TNFRSF10B: variants seen among roughly 807,000 people sequenced by gnomAD.
TNFRSF10B encodes the protein tumor necrosis factor receptor superfamily member 10B.
In TNFRSF10B, 35 loss-of-function variants were observed where a neutral mutation model predicts 41.4. The observed-to-expected ratio is 0.85, with a 90% confidence interval of 0.65 to 1.12. The LOEUF (loss-of-function observed/expected upper bound fraction) is 1.12, where lower values mean the gene tolerates loss of function less well. Among genes scored for constraint, TNFRSF10B ranks in the 50% most tolerant of loss-of-function variants. TNFRSF10B has a pLI of 0.00. For synonymous variants in TNFRSF10B, 230 were observed against 215.5 expected, an observed-to-expected ratio of 1.07 and a Z score of -0.59; for missense variants, 584 against 552.7, an observed-to-expected ratio of 1.06 and a Z score of -0.57.
rs187284298 is a variant in TNFRSF10B, at chr8:23,028,253, C to A, written c.748+78G>T. 316 of 1,598,468 alleles carry A rather than the reference C, an allele frequency of 2.0e-4. 3 individuals carry two copies. The African/African-American group carries it at 3.5e-3, about 18-fold the overall frequency. On this transcript the variant is annotated intron_variant, in intron 5 of 8. Transcript: ENST00000276431. ...CACTTAGACTTGGGGCAGGGGCAGG[C>A]GTTTCTGTCTGTGGGAATAGGGTGG...
chr8:23,051,527 G>C (rs1287842722), intron 1 of TNFRSF10B, among the ~76,000 whole-genome samples: 2 of 150,372 alleles, frequency 1.3e-5, no homozygotes. Flanking sequence ...GTTACATCTT[G>C]AATTATTTAG....
At chr8:23,056,053 G>A (rs1812655798) in intron 1 of TNFRSF10B, among the ~76,000 whole-genome samples, 1 of 152,118 alleles carries the variant, frequency 6.6e-6, no homozygotes, top group Non-Finnish European at 1.5e-5. Context: ...ATTAATGGGT[G>A]GCAAGAAATA....
At chr8:23,052,252 C>A (rs1169983874) in intron 1 of TNFRSF10B, among the ~76,000 whole-genome samples, 2 of 146,022 alleles carry the variant, frequency 1.4e-5, no homozygotes, top group Non-Finnish European at 3.0e-5. Context: ...GGAAAACATT[C>A]TTTCTAAAGA....
intron 1 of TNFRSF10B, among the ~76,000 whole-genome samples, chr8:23,055,521 T>TAAAAAAAAAAAAAAAAAAAA (rs34761330): frequency 1.7e-5 from 2 of 120,544 alleles, no homozygotes; most frequent in African/African-American, 3.1e-5. Context: ...ATTAAATGCT[T>TAAAAAAAAAAAAAAAAAAAA]AAAAAAAAAA....
intron 1 of TNFRSF10B, among the ~76,000 whole-genome samples, chr8:23,066,654 T>C (rs1812989778): frequency 6.6e-6 from 1 of 152,018 alleles, no homozygotes; most frequent in African/African-American, 2.4e-5. Flanking sequence ...ACCCCTGTAA[T>C]CCCAGCATTT....
chr8:23,027,412 G>T, intron 6 of TNFRSF10B, 124 bp from the exon 7 acceptor site: 2 of 1,262,692 alleles, frequency 1.6e-6, no homozygotes, highest in Non-Finnish European at 2.2e-6. Flanking sequence ...GTCACCGCAG[G>T]CAGCCCAGAC....
At chr8:23,066,509 T>C (rs993801429) in intron 1 of TNFRSF10B, among the ~76,000 whole-genome samples, 3 of 152,164 alleles carry the variant, frequency 2.0e-5, no homozygotes, top group Admixed American at 1.3e-4. Context: ...GATACTAAGT[T>C]AGCTCTGATA....
intron 2 of TNFRSF10B, 66 bp from the exon 3 acceptor site, chr8:23,030,938 C>T: frequency 2.6e-6 from 3 of 1,144,182 alleles, no homozygotes; most frequent in South Asian, 2.6e-5. Flanking sequence ...GCAGTGGTGG[C>T]TGGGGGACTC....
intron 4 of TNFRSF10B, among the ~76,000 whole-genome samples, chr8:23,029,217 T>C (rs1398443435): frequency 1.3e-5 from 2 of 152,208 alleles, no homozygotes; most frequent in African/African-American, 4.8e-5. Context: ...TTTGTCTTTA[T>C]GGGCCCCTGC....
chr8:23,042,972 T>C (rs147662333), intron 2 of TNFRSF10B, 166 bp downstream of exon 2: 5 of 623,510 alleles, frequency 8.0e-6, no homozygotes, highest in East Asian at 5.6e-5. Flanking sequence ...TTTGTGTGTC[T>C]TGATACCATC....
intron 3 of TNFRSF10B, among the ~76,000 whole-genome samples, chr8:23,030,399 G>A (rs936861477): frequency 6.6e-6 from 1 of 152,142 alleles, no homozygotes; most frequent in Non-Finnish European, 1.5e-5. Context: ...TGCAACCTCG[G>A]CCTCCTGGGC....
intron 1 of TNFRSF10B, among the ~76,000 whole-genome samples, chr8:23,046,058 T>C (rs974353964): frequency 2.6e-5 from 4 of 152,316 alleles, no homozygotes; most frequent in African/African-American, 7.2e-5. Context: ...CCACCTCTTT[T>C]CAACATGGTA....
At chr8:23,045,328 C>G (rs1236812758) in intron 1 of TNFRSF10B, among the ~76,000 whole-genome samples, 1 of 151,966 alleles carries the variant, frequency 6.6e-6, no homozygotes, top group South Asian at 2.1e-4. Context: ...AGGATTGAAC[C>G]ACCCGGAAGA....
intron 1 of TNFRSF10B, among the ~76,000 whole-genome samples, chr8:23,050,109 C>T (rs1031437284): frequency 2.6e-5 from 4 of 152,230 alleles, no homozygotes; most frequent in African/African-American, 9.6e-5. Context: ...GGATCTTAGG[C>T]CAGGAGCCTA....
At chr8:23,027,097 C>T in intron 7 of TNFRSF10B, 36 bp downstream of exon 7, 1 of 1,613,170 alleles carries the variant, frequency 6.2e-7, no homozygotes, top group Non-Finnish European at 8.5e-7. Flanking sequence ...AGGTGAGCAG[C>T]ATGCCAGGAA....
chr8:23,041,833 C>T (rs1210149961), intron 2 of TNFRSF10B, among the ~76,000 whole-genome samples: 2 of 152,276 alleles, frequency 1.3e-5, no homozygotes, highest in East Asian at 3.9e-4. Context: ...CCAACTGCTC[C>T]TGCTCAGCCC....
intron 1 of TNFRSF10B, among the ~76,000 whole-genome samples, chr8:23,053,817 A>T (rs766105815): frequency 6.6e-5 from 10 of 152,254 alleles, no homozygotes; most frequent in Non-Finnish European, 1.2e-4. Flanking sequence ...TTATACAGGA[A>T]GCATTGTCAA....
chr8:23,056,850 G>A (rs1420887306), intron 1 of TNFRSF10B, among the ~76,000 whole-genome samples: 1 of 151,984 alleles, frequency 6.6e-6, no homozygotes, highest in East Asian at 1.9e-4. Context: ...ATTTCATTGA[G>A]ATCAGAGAAC....
rs538496839 is a variant in TNFRSF10B, at chr8:23,054,007, A to T, written c.145-10764T>A. Among the ~76,000 whole-genome samples the T allele has an allele frequency of 8.5e-5, 13 of 152,328 alleles. No homozygotes were observed. The South Asian group carries it at 1.4e-3, about 17-fold the overall frequency. ...CACAGAGGTAACAGATACCCTTGTC[A>T]TCAATTGTGTCTTTAACTATGGCTA... On this transcript the variant is annotated intron_variant, in intron 1 of 8. Coordinates refer to ENST00000276431, the MANE Select transcript of TNFRSF10B (RefSeq NM_003842.5).
Sources: allele counts gnomAD v4.1 joint callset (sites outside exome capture counted in the v4.1 genomes callset), GRCh38; gene constraint gnomAD v4.1.1; transcripts MANE v1.5; gene names NCBI Gene and HGNC (gene_info 2026-07-23, HGNC 2026-07-21).